SMN2: variants seen among roughly 807,000 people sequenced by gnomAD.
The protein encoded by SMN2 is survival of motor neuron 2, centromeric.
SMN2 carries 1 observed loss-of-function variant against 2.8 expected under a neutral mutation model. The observed-to-expected ratio is 0.35, with a 90% CI of 0.13 to 1.68. The LOEUF (loss-of-function observed/expected upper bound fraction) is 1.68. Ranked by LOEUF, SMN2 falls within the 40% of genes most tolerant of loss-of-function variation. The probability of loss-of-function intolerance (pLI) is 0.35; values close to 1 mark genes in which losing one functional copy is unlikely to be tolerated. For missense variants in SMN2, 12 were observed against 16.9 expected (o/e 0.71, Z 0.51); for synonymous variants, 5 against 5.0 (o/e 0.99, Z 0.01).
intron 7 of SMN2, among the ~76,000 whole-genome samples, chr5:70,075,861 AT>A (rs1272689316): frequency 9.3e-6 from 1 of 107,584 alleles, no homozygotes; most frequent in African/African-American, 4.3e-5. Flanking sequence ...TTATTTATTT[AT>A]TTTTTTTTGA....
In SMN2 at chr5:70,077,300, TTGAA is replaced by T. The variant is rs576032516; in HGVS notation, c.*288_*291del. 7.5e-4 allele frequency: 199 copies of T among 264,168 alleles called. 40 individuals are homozygous for T. In the East Asian group the frequency reaches 0.015, roughly 20 times the overall value. The allele number at this position is 264,168 out of a possible 1,614,324, so 16.4% of individuals were successfully genotyped here. ...ACGGTGGTGAGGCAGTTGAGAAAATTTGAATGTGGATTAGATTTTGAATGATATT... is the reference window on the plus strand; with the variant it reads ...ACGGTGGTGAGGCAGTTGAGAAAATTTGTGGATTAGATTTTGAATGATATT... On this transcript the variant is annotated 3_prime_UTR_variant, in exon 9 of 9. Coordinates refer to ENST00000380743, the MANE Select transcript of SMN2 (RefSeq NM_017411.4).
At chr5:70,076,747 A>C in intron 8 of SMN2, 173 bp downstream of exon 8, 1 of 1,239,864 alleles carries the variant, frequency 8.1e-7, no homozygotes, top group Admixed American at 3.1e-5. Flanking sequence ...TAAAAGGTTA[A>C]TCTACATCCC....
At chr5:70,071,513 T>TA (rs1363243725) in intron 7 of SMN2, 30 of 121,030 alleles carry the variant, frequency 2.5e-4, no homozygotes, top group African/African-American at 4.8e-4. Flanking sequence ...TTTATTTTAT[T>TA]TTATTTTTTT....
downstream of SMN2, among the ~76,000 whole-genome samples, chr5:70,079,309 G>A (rs1190719081): frequency 1.4e-5 from 2 of 145,780 alleles, no homozygotes; most frequent in East Asian, 2.0e-4. Context: ...GGCACGCCCT[G>A]TAGTCCCAGC....
the SMN2 span, among the ~76,000 whole-genome samples, chr5:70,083,728 C>T: frequency 7.7e-6 from 1 of 130,342 alleles, no homozygotes; most frequent in Non-Finnish European, 1.6e-5. Flanking sequence ...CGCATGTTCT[C>T]ACTCATAGGT....
intron 7 of SMN2, among the ~76,000 whole-genome samples, chr5:70,075,084 A>C (rs1774704716): frequency 8.4e-6 from 1 of 119,264 alleles, no homozygotes; most frequent in South Asian, 2.7e-4. Context: ...GCTGGGGTGC[A>C]ATGGTGCAAT....
chr5:70,052,238 A>G (rs1016203971), intron 1 of SMN2, among the ~76,000 whole-genome samples: 1 of 131,500 alleles, frequency 7.6e-6, no homozygotes, highest in Admixed American at 7.8e-5. Flanking sequence ...ACCCTGAGAG[A>G]CAGTTTAAAA....
intron 1 of SMN2, among the ~76,000 whole-genome samples, chr5:70,052,593 G>A (rs1277148471): frequency 6.9e-5 from 2 of 29,160 alleles, no homozygotes; most frequent in African/African-American, 2.2e-4. Flanking sequence ...GTGGTGGCGC[G>A]TGCCTATAAT....
chr5:70,079,681 C>T (rs1774827719), downstream of SMN2, among the ~76,000 whole-genome samples: 1 of 137,110 alleles, frequency 7.3e-6, no homozygotes, highest in Non-Finnish European at 1.5e-5. Context: ...CACTTGAGTA[C>T]AGGAGGTTGA....
At chr5:70,071,208 TC>T in intron 7 of SMN2, 1 of 286,628 alleles carries the variant, frequency 3.5e-6, no homozygotes, top group Non-Finnish European at 6.9e-6. Context: ...TTCTCCTGCC[TC>T]AGCCTCAGAG....
chr5:70,084,821 T>C, the SMN2 span, among the ~76,000 whole-genome samples: 5 of 135,652 alleles, frequency 3.7e-5, no homozygotes, highest in Non-Finnish European at 7.7e-5. Context: ...ATTTGTAGAA[T>C]CTGTATTTGT....
intron 7 of SMN2, among the ~76,000 whole-genome samples, chr5:70,075,082 G>T (rs1774704502): frequency 8.4e-6 from 1 of 119,732 alleles, no homozygotes; most frequent in Admixed American, 8.4e-5. Context: ...AGGCTGGGGT[G>T]CAATGGTGCA....
At chr5:70,084,187 TG>T in the SMN2 span, among the ~76,000 whole-genome samples, 2 of 67,760 alleles carry the variant, frequency 3.0e-5, no homozygotes, top group East Asian at 3.5e-4. Flanking sequence ...GCATTTAAAT[TG>T]TTTTTTTTTT....
chr5:70,074,734 G>A (rs554077842), intron 7 of SMN2, among the ~76,000 whole-genome samples: 3 of 119,754 alleles, frequency 2.5e-5, no homozygotes, highest in East Asian at 2.5e-4. Flanking sequence ...GGCTCACGCC[G>A]GTAATCCCAA....
chr5:70,071,511 ATT>A (rs1414136541), intron 7 of SMN2: 1 of 118,226 alleles, frequency 8.5e-6, no homozygotes. Flanking sequence ...ATTTTATTTT[ATT>A]TTATTTTTTT....
intron 7 of SMN2, chr5:70,071,516 A>ATTTTT (rs1350107358): frequency 2.8e-4 from 24 of 86,540 alleles, no homozygotes; most frequent in Admixed American, 6.3e-4. Flanking sequence ...ATTTTATTTT[A>ATTTTT]TTTTTTTTTT....
At chr5:70,088,354 G>C in the SMN2 span, among the ~76,000 whole-genome samples, 1 of 106,566 alleles carries the variant, frequency 9.4e-6, no homozygotes, top group Non-Finnish European at 1.8e-5. Context: ...TTTGGAACTG[G>C]GTAATGAGTA....
chr5:70,052,798 C>T (rs1774485695), intron 1 of SMN2, among the ~76,000 whole-genome samples: 1 of 65,054 alleles, frequency 1.5e-5, no homozygotes, highest in South Asian at 5.5e-4. Flanking sequence ...AGGAAAATCA[C>T]TTGAACCCGG....
At chr5:70,082,160 T>C (rs1482484601), downstream of SMN2, among the ~76,000 whole-genome samples, 1 of 127,394 alleles carries the variant, frequency 7.8e-6, no homozygotes, top group Non-Finnish European at 1.6e-5. Context: ...TATGCTGGAT[T>C]ACATTTATTG....
Sources: gnomAD v4.1 joint callset for allele counts (sites outside exome capture counted in the v4.1 genomes callset) on GRCh38, gnomAD v4.1.1 for gene constraint, MANE v1.5 for transcripts, NCBI Gene and HGNC (gene_info 2026-07-23, HGNC 2026-07-21) for gene names.